RBFOX1: variants seen among roughly 807,000 people sequenced by gnomAD.
The protein encoded by RBFOX1 is RNA binding fox-1 homolog 1.
RBFOX1 carries 8 observed loss-of-function variants against 57.7 expected under a neutral mutation model. The ratio of observed to expected loss-of-function variants is 0.14; its 90% CI spans 0.08 to 0.25. RBFOX1 has a LOEUF of 0.25. RBFOX1 is among the 10% of genes least tolerant of loss of function. The pLI, the probability that RBFOX1 is intolerant of heterozygous loss-of-function variation, is 1.00. For missense variants in RBFOX1, 611 were observed against 548.5 expected (o/e 1.11, Z -1.14); for synonymous variants, 326 against 222.4 (o/e 1.47, Z -4.15).
At chr16:7,475,081 G>A (rs964587635) in intron 4 of RBFOX1, among the ~76,000 whole-genome samples, 12 of 152,126 alleles carry the variant, frequency 7.9e-5, no homozygotes, top group Non-Finnish European at 1.3e-4. Flanking sequence ...GAGTTCAGAA[G>A]AGTTTAAAAG....
At chr16:6,488,028 C>G (rs1261789643) in intron 2 of RBFOX1, among the ~76,000 whole-genome samples, 1 of 152,046 alleles carries the variant, frequency 6.6e-6, no homozygotes, top group Non-Finnish European at 1.5e-5. Flanking sequence ...AAGCTCATCT[C>G]CCAGCACCAT....
At chr16:6,080,211 C>T (rs1451813165) in intron 1 of RBFOX1, among the ~76,000 whole-genome samples, 1 of 152,112 alleles carries the variant, frequency 6.6e-6, no homozygotes, top group Admixed American at 6.6e-5. Flanking sequence ...TGGCGCTGAT[C>T]CGTGGTTTCC....
At chr16:5,668,752 T>C (rs2049927457) in intron 3 of RBFOX1, among the ~76,000 whole-genome samples, 1 of 152,212 alleles carries the variant, frequency 6.6e-6, no homozygotes, top group South Asian at 2.1e-4. Flanking sequence ...CACTTTTGTT[T>C]TAGGTGCCTG....
intron 3 of RBFOX1, among the ~76,000 whole-genome samples, chr16:6,692,583 C>G (rs1479173435): frequency 2.0e-5 from 3 of 152,124 alleles, no homozygotes; most frequent in Non-Finnish European, 2.9e-5. Flanking sequence ...TCTAGCAAAG[C>G]TGGAAAATTT....
intron 4 of RBFOX1, among the ~76,000 whole-genome samples, chr16:7,409,101 T>TGCGCTGTCGCTCTAAGCCAGATCA (rs1293833242): frequency 9.9e-5 from 15 of 152,226 alleles, no homozygotes; most frequent in African/African-American, 3.6e-4. Flanking sequence ...AACCCTGAGC[T>TGCGCTGTCGCTCTAAGCCAGATCA]GCGCTGTCGC....
chr16:5,798,799 G>C (rs982244889), intron 3 of RBFOX1, among the ~76,000 whole-genome samples: 4 of 152,226 alleles, frequency 2.6e-5, no homozygotes, highest in Admixed American at 6.5e-5. Flanking sequence ...GGTCTGAGCT[G>C]TGAGGTTCCT....
intron 2 of RBFOX1, among the ~76,000 whole-genome samples, chr16:6,522,801 C>G (rs1336702368): frequency 6.6e-6 from 1 of 152,172 alleles, no homozygotes; most frequent in Non-Finnish European, 1.5e-5. Context: ...GCAACCCAAA[C>G]CTTTGCCTTG....
chr16:6,843,199 G>A (rs749530524), intron 3 of RBFOX1, among the ~76,000 whole-genome samples: 3 of 152,040 alleles, frequency 2.0e-5, no homozygotes, highest in African/African-American at 7.2e-5. Context: ...ATGTCTCTTG[G>A]GTTTAAAGAA....
chr16:7,022,831 A>G (rs1250895098), intron 3 of RBFOX1, among the ~76,000 whole-genome samples: 1 of 152,182 alleles, frequency 6.6e-6, no homozygotes, highest in African/African-American at 2.4e-5. Context: ...ATATCCAAGG[A>G]AGCTGAGGGG....
At chr16:7,260,863 CTAAT>C (rs1267696822) in intron 4 of RBFOX1, among the ~76,000 whole-genome samples, 2 of 152,154 alleles carry the variant, frequency 1.3e-5, no homozygotes, top group African/African-American at 4.8e-5. Flanking sequence ...GAACCCCTAT[CTAAT>C]TAAGAGCTGG....
At chr16:6,370,661 G>C (rs891331490) in intron 2 of RBFOX1, among the ~76,000 whole-genome samples, 2 of 152,162 alleles carry the variant, frequency 1.3e-5, no homozygotes, top group Admixed American at 1.3e-4. Flanking sequence ...AAGTAATATA[G>C]TGGTTCCTAG....
intron 4 of RBFOX1, among the ~76,000 whole-genome samples, chr16:7,173,901 G>T (rs919595741): frequency 1.3e-5 from 2 of 152,324 alleles, no homozygotes; most frequent in East Asian, 3.9e-4. Flanking sequence ...TTCTCTGACA[G>T]TTGAGGATGA....
At chr16:5,264,381 C>G (rs1193594117) in intron 1 of RBFOX1, among the ~76,000 whole-genome samples, 1 of 151,954 alleles carries the variant, frequency 6.6e-6, no homozygotes, top group Admixed American at 6.6e-5. Flanking sequence ...TTCTTGGGGC[C>G]GTTTTCATCA....
chr16:5,956,678 A>ATATTTATATATATATATATATATATTTTT (rs368096576), intron 4 of RBFOX1, among the ~76,000 whole-genome samples: 24 of 116,448 alleles, frequency 2.1e-4, no homozygotes, highest in African/African-American at 8.3e-4. Flanking sequence ...ATATATATAT[A>ATATTTATATATATATATATATATATTTTT]TTTTTTTTGA....
At chr16:5,952,343 G>A (rs2059538757) in intron 4 of RBFOX1, among the ~76,000 whole-genome samples, 1 of 151,958 alleles carries the variant, frequency 6.6e-6, no homozygotes, top group African/African-American at 2.4e-5. Context: ...TAGAGATGGG[G>A]TTTCACCATG....
intron 3 of RBFOX1, among the ~76,000 whole-genome samples, chr16:6,675,727 C>G (rs939240007): frequency 6.6e-6 from 1 of 152,294 alleles, no homozygotes; most frequent in South Asian, 2.1e-4. Flanking sequence ...AGCGAAAGGG[C>G]TTTCCCTTTA....
chr16:6,977,080 G>A (rs191963833), intron 3 of RBFOX1, among the ~76,000 whole-genome samples: 71 of 135,898 alleles, frequency 5.2e-4, no homozygotes, highest in African/African-American at 1.9e-3. Context: ...TATCATATAT[G>A]ATCTATATTT....
intron 2 of RBFOX1, among the ~76,000 whole-genome samples, chr16:6,477,604 G>A (rs1027519806): frequency 3.3e-5 from 5 of 152,198 alleles, no homozygotes; most frequent in African/African-American, 9.6e-5. Flanking sequence ...TTATTCTTAA[G>A]GGCCCTAGGA....
At chr16:6,814,003 G>A (rs1017842056) in intron 3 of RBFOX1, among the ~76,000 whole-genome samples, 3 of 151,088 alleles carry the variant, frequency 2.0e-5, no homozygotes, top group Non-Finnish European at 2.9e-5. Flanking sequence ...TCTGAGGACC[G>A]GTTCAGTGAT....
Sources: gnomAD v4.1 joint callset for allele counts (sites outside exome capture counted in the v4.1 genomes callset) on GRCh38, gnomAD v4.1.1 for gene constraint, MANE v1.5 for transcripts, NCBI Gene and HGNC (gene_info 2026-07-23, HGNC 2026-07-21) for gene names.